Variants in NEURL1 observed in about 807,000 individuals in gnomAD.
The protein encoded by NEURL1 is neuralized E3 ubiquitin protein ligase 1.
NEURL1 carries 26 observed loss-of-function variants against 41.2 expected under a neutral mutation model. The ratio of observed to expected loss-of-function variants is 0.63; its 90% confidence interval spans 0.46 to 0.87. The LOEUF is 0.87. Among genes scored for constraint, NEURL1 ranks in the 40% least tolerant of loss-of-function variants. The pLI is 0.00. For synonymous variants in NEURL1, 400 were observed against 402.3 expected (o/e 0.99, Z 0.07); for missense variants, 761 against 871.1 (o/e 0.87, Z 1.59).
intron 3 of NEURL1, 37 bp from the exon 4 acceptor site, chr10:103,584,499 G>A: frequency 7.8e-7 from 1 of 1,286,706 alleles, no homozygotes; most frequent in East Asian, 3.2e-5. Flanking sequence ...CGCCTCCCGA[G>A]AGCCCTGCGT....
chr10:103,516,227 CAAA>C (rs59180957), intron 1 of NEURL1, among the ~76,000 whole-genome samples: 2 of 59,338 alleles, frequency 3.4e-5, no homozygotes, highest in Admixed American at 2.0e-4. Context: ...GACCCCATCT[CAAA>C]AAAAAAAAAA....
At chr10:103,575,766 G>A (rs1301756399) in intron 3 of NEURL1, among the ~76,000 whole-genome samples, 1 of 151,358 alleles carries the variant, frequency 6.6e-6, no homozygotes, top group Non-Finnish European at 1.5e-5. Context: ...GGGGCGCCCT[G>A]GCCCAAGCCC....
intron 1 of NEURL1, among the ~76,000 whole-genome samples, chr10:103,510,539 C>A (rs990389091): frequency 5.9e-5 from 9 of 152,136 alleles, no homozygotes; most frequent in African/African-American, 2.2e-4. Context: ...GGCCAACAGC[C>A]CCCCTCCTTG....
At chr10:103,588,422 A>G (rs1479011294) in intron 4 of NEURL1, among the ~76,000 whole-genome samples, 1 of 151,938 alleles carries the variant, frequency 6.6e-6, no homozygotes, top group African/African-American at 2.4e-5. Flanking sequence ...TCTGTAGTGC[A>G]TGTGTGTGTG....
At chr10:103,571,226 C>T (rs1267321013) in intron 2 of NEURL1, 113 bp downstream of exon 2, 2 of 1,092,370 alleles carry the variant, frequency 1.8e-6, no homozygotes, top group East Asian at 2.4e-5. Flanking sequence ...CCCCCAGCAC[C>T]ACACCCTGCC....
At chr10:103,578,396 G>A (rs567831686) in intron 3 of NEURL1, among the ~76,000 whole-genome samples, 24 of 152,318 alleles carry the variant, frequency 1.6e-4, no homozygotes, top group Non-Finnish European at 3.1e-4. Flanking sequence ...CCATGCAATC[G>A]AAATTGCTCC....
At chr10:103,543,674 C>A (rs1036765380) in intron 1 of NEURL1, among the ~76,000 whole-genome samples, 1 of 152,204 alleles carries the variant, frequency 6.6e-6, no homozygotes, top group Non-Finnish European at 1.5e-5. Flanking sequence ...TGGGGCTGCA[C>A]AGAGGACTGG....
chr10:103,496,380 G>T (rs1487818194), intron 1 of NEURL1, among the ~76,000 whole-genome samples: 1 of 152,200 alleles, frequency 6.6e-6, no homozygotes, highest in African/African-American at 2.4e-5. Flanking sequence ...ATACAAAGTT[G>T]TGAAGACTGT....
intron 4 of NEURL1, chr10:103,588,796 A>C (rs1241578166): frequency 4.7e-6 from 2 of 428,868 alleles, no homozygotes; most frequent in Non-Finnish European, 9.2e-6. Context: ...ATATTAAAAA[A>C]TTAGCTGGGT....
chr10:103,591,790 A>G lies in NEURL1; in HGVS notation c.*1418A>G, dbSNP rs938497010. The G allele has an allele frequency of 6.6e-6, 1 of 152,198 alleles. No homozygotes were observed. The highest frequency in any genetic ancestry group is 2.4e-5 in the African/African-American group (1 of 41,430). 9.4% of individuals were successfully genotyped at this position (152,198 alleles called of 1,614,324 possible). A position where few individuals can be genotyped will look rare whatever the true frequency, so the allele number is the denominator to read the frequency against. ...AGGTGGCCCAGGAGGTCCCCCCTCCATAAGGACGTCAAACTTCCAGGAGGG... is the reference window on the plus strand; with the variant it reads ...AGGTGGCCCAGGAGGTCCCCCCTCCGTAAGGACGTCAAACTTCCAGGAGGG... On this transcript the variant is annotated 3_prime_UTR_variant, in exon 6 of 6. Coordinates refer to ENST00000369780, the MANE Select transcript of NEURL1 (RefSeq NM_004210.5).
chr10:103,495,646 G>A (rs2033665203), intron 1 of NEURL1, among the ~76,000 whole-genome samples: 1 of 152,172 alleles, frequency 6.6e-6, no homozygotes, highest in East Asian at 1.9e-4. Context: ...TTGCTGAACA[G>A]TTAACTTTTA....
rs1207398471 is a variant in NEURL1 at position 103,574,008 on chromosome 10, C to T, written c.649+2186C>T. On this transcript the variant is annotated intron_variant, in intron 3 of 5. Transcript: ENST00000369780. The stretch of plus-strand genomic sequence containing the variant: ...GATGGGGAAGAATCCACGTCTCACT[C>T]AGTCGGGCTGCTCTCCAGAGTGGAG... Among the ~76,000 whole-genome samples the T allele has an allele frequency of 2.0e-5, 3 of 152,334 alleles. No homozygotes were observed. In the East Asian group the frequency reaches 5.8e-4, roughly 29 times the overall value.
chr10:103,504,226 T>C (rs117368190), intron 1 of NEURL1, among the ~76,000 whole-genome samples: 5,702 of 152,012 alleles, frequency 0.038, 93 homozygotes, highest in Non-Finnish European at 0.045. Context: ...CCCCTGAACT[T>C]GTGATCTGCC....
At chr10:103,561,262 C>CT (rs767348574) in intron 1 of NEURL1, among the ~76,000 whole-genome samples, 2,329 of 141,656 alleles carry the variant, frequency 0.016, 58 homozygotes, top group African/African-American at 0.053. Context: ...CTCTGTATTC[C>CT]TTTTTTTTTT....
At chr10:103,500,154 C>T (rs765621991) in intron 1 of NEURL1, among the ~76,000 whole-genome samples, 4 of 152,212 alleles carry the variant, frequency 2.6e-5, no homozygotes, top group African/African-American at 7.2e-5. Context: ...GAGCACCCAT[C>T]CTGCATGCCC....
intron 4 of NEURL1, among the ~76,000 whole-genome samples, chr10:103,586,662 G>C (rs2035930829): frequency 6.6e-6 from 1 of 152,168 alleles, no homozygotes; most frequent in Non-Finnish European, 1.5e-5. Context: ...AATGCTGTTG[G>C]CTTGTGAGAG....
intron 1 of NEURL1, among the ~76,000 whole-genome samples, chr10:103,533,078 C>G (rs990620134): frequency 1.3e-5 from 2 of 151,756 alleles, no homozygotes; most frequent in African/African-American, 4.8e-5. Context: ...AGGCACCCAC[C>G]ACCATGCCTG....
intron 1 of NEURL1, among the ~76,000 whole-genome samples, chr10:103,543,042 G>A (rs1212692787): frequency 1.3e-5 from 2 of 152,216 alleles, no homozygotes; most frequent in East Asian, 3.9e-4. Flanking sequence ...GAAGGCGTGG[G>A]TTTGAAGGCG....
At chr10:103,529,388 T>C (rs1265945461) in intron 1 of NEURL1, among the ~76,000 whole-genome samples, 1 of 152,200 alleles carries the variant, frequency 6.6e-6, no homozygotes, top group Non-Finnish European at 1.5e-5. Context: ...CCAAGATAAC[T>C]TGGGGCTCCT....
Sources: gnomAD v4.1 joint callset for allele counts (sites outside exome capture counted in the v4.1 genomes callset) on GRCh38, gnomAD v4.1.1 for gene constraint, MANE v1.5 for transcripts, NCBI Gene and HGNC (gene_info 2026-07-23, HGNC 2026-07-21) for gene names.